Variants in MCF2 observed in about 807,000 individuals in gnomAD.
MCF2 encodes the protein proto-oncogene DBL.
Under a neutral mutation model 82.5 loss-of-function variants are expected in MCF2, and 44 were observed. The ratio of observed to expected loss-of-function variants is 0.53; its 90% CI spans 0.42 to 0.69. The LOEUF (loss-of-function observed/expected upper bound fraction) is 0.69, where lower values mean the gene tolerates loss of function less well. Among genes scored for constraint, MCF2 ranks in the 30% least tolerant of loss-of-function variants. The pLI, the probability that MCF2 is intolerant of heterozygous loss-of-function variation, is 0.00. For missense variants in MCF2, 623 were observed against 663.1 expected, an observed-to-expected ratio of 0.94 and a Z score of 0.66; for synonymous variants, 217 against 224.9, an observed-to-expected ratio of 0.96 and a Z score of 0.32.
chrX:139,616,148 C>T (rs1176118874), intron 9 of MCF2, 134 bp downstream of exon 12: 6 of 319,807 alleles, frequency 1.9e-5, no homozygotes, highest in Non-Finnish European at 3.3e-5. Flanking sequence ...AGTGGCACTA[C>T]TATCACCCCT....
intron 1 of MCF2, among the ~76,000 whole-genome samples, chrX:139,685,163 A>G (rs1411837291): frequency 9.0e-6 from 1 of 111,085 alleles, no homozygotes; most frequent in East Asian, 2.8e-4. Context: ...AAACAATAAA[A>G]CAAGACAAAG....
rs755833952 is a variant in MCF2 at position 139,665,990 on chromosome X, T to C, written c.-44-14202A>G. On this transcript the variant is annotated intron_variant, in intron 1 of 27. Coordinates refer to the MCF2 transcript ENST00000414978. ...ATATACATATATATACACACACACATACACACACACACAAGGCACATGAGA... is the reference window on the plus strand; with the variant it reads ...ATATACATATATATACACACACACACACACACACACACAAGGCACATGAGA... 2.3e-3 allele frequency among the ~76,000 whole-genome samples: 220 copies of C among 94,632 alleles called. 1 individual carries two copies. The highest frequency in any genetic ancestry group is 3.8e-3 in the Non-Finnish European group (183 of 47,642). 82.2% of individuals were successfully genotyped at this position (94,632 alleles called of 115,157 possible). A position where few individuals can be genotyped will look rare whatever the true frequency, so the allele number is the denominator to read the frequency against.
intron 1 of MCF2, among the ~76,000 whole-genome samples, chrX:139,654,792 C>A (rs534369562): frequency 7.2e-5 from 8 of 111,700 alleles, no homozygotes; most frequent in African/African-American, 2.3e-4. Flanking sequence ...AATTTAAGTT[C>A]TTTAATCCAT....
At chrX:139,591,983 C>T (rs1031128615) in intron 19 of MCF2, among the ~76,000 whole-genome samples, 1 of 110,843 alleles carries the variant, frequency 9.0e-6, no homozygotes, top group East Asian at 2.8e-4. Flanking sequence ...AACTAATAAC[C>T]CAGATTCTTA....
intron 1 of MCF2, among the ~76,000 whole-genome samples, chrX:139,666,757 C>G: frequency 8.9e-6 from 1 of 111,840 alleles, no homozygotes; most frequent in South Asian, 3.8e-4. Flanking sequence ...AAATCTCTTG[C>G]TAGGGTTGGA....
chrX:139,644,782 GA>G (rs1258978240), upstream of MCF2, among the ~76,000 whole-genome samples: 2 of 111,258 alleles, frequency 1.8e-5, no homozygotes, highest in African/African-American at 3.3e-5. Context: ...GAATCTCAAA[GA>G]AAAAAAATAT....
chrX:139,605,909 C>A, intron 12 of MCF2, 130 bp from the exon 17 acceptor site: 1 of 418,305 alleles, frequency 2.4e-6, no homozygotes, highest in Non-Finnish European at 3.9e-6. Context: ...TTCGTTTTAG[C>A]ATCAAAATAT....
intron 3 of MCF2, among the ~76,000 whole-genome samples, chrX:139,631,049 G>T (rs1454471630): frequency 9.0e-6 from 1 of 111,636 alleles, no homozygotes; most frequent in Non-Finnish European, 1.9e-5. Flanking sequence ...ATTGACCAAG[G>T]TCATATAACT....
intron 15 of MCF2, among the ~76,000 whole-genome samples, chrX:139,604,247 C>A (rs1211403166): frequency 1.8e-5 from 2 of 109,828 alleles, no homozygotes; most frequent in Admixed American, 9.8e-5. Flanking sequence ...GAAAGTCAGA[C>A]TAGATCCAAT....
chrX:139,663,931 T>C (rs1934430235), intron 1 of MCF2, among the ~76,000 whole-genome samples: 1 of 111,429 alleles, frequency 9.0e-6, no homozygotes, highest in African/African-American at 3.3e-5. Context: ...TCCTTTCTCT[T>C]TCTCCAGTTT....
intron 2 of MCF2, 138 bp from the exon 6 acceptor site, chrX:139,631,649 C>A: frequency 2.5e-6 from 1 of 396,508 alleles, no homozygotes. Flanking sequence ...CCTGTACATG[C>A]CCCCATACAT....
At chrX:139,604,371 A>T (rs1930812636) in intron 15 of MCF2, among the ~76,000 whole-genome samples, 1 of 110,112 alleles carries the variant, frequency 9.1e-6, no homozygotes, top group Non-Finnish European at 1.9e-5. Flanking sequence ...CATGATCCCA[A>T]CTCTTACATC....
intron 16 of MCF2, among the ~76,000 whole-genome samples, chrX:139,600,765 C>G (rs943059217): frequency 3.6e-5 from 4 of 111,556 alleles, no homozygotes; most frequent in African/African-American, 1.3e-4. Flanking sequence ...TTCCAATGAG[C>G]TTTTTAGTGT....
intron 3 of MCF2, among the ~76,000 whole-genome samples, chrX:139,630,529 T>C (rs1235634709): frequency 8.9e-6 from 1 of 112,437 alleles, no homozygotes; most frequent in Non-Finnish European, 1.9e-5. Context: ...TATTTGCTTG[T>C]TTATTTATAG....
intron 1 of MCF2, among the ~76,000 whole-genome samples, chrX:139,673,080 T>C (rs868639561): frequency 8.9e-6 from 1 of 112,144 alleles, no homozygotes; most frequent in Non-Finnish European, 1.9e-5. Context: ...CCATTTCTTC[T>C]AGATTTTCTA....
rs1933615111 is a variant in MCF2, at chrX:139,642,332, T to G, written c.51+136A>C. ...ACAGTAATCACATCAATGCAATCCA[T>G]GCAAATATAAGTCTCCATTCTCTCC... On this transcript the variant is annotated intron_variant, in intron 1 of 24. Transcript: ENST00000370576. The G allele has an allele frequency of 3.5e-6, 3 of 866,654 alleles. No individual in the cohort carries two copies. The South Asian group carries it at 6.0e-5, about 17-fold the overall frequency. 71.4% of individuals were successfully genotyped at this position (866,654 alleles called of 1,213,427 possible). A position where few individuals can be genotyped will look rare whatever the true frequency, so the allele number is the denominator to read the frequency against.
chrX:139,629,658 A>T, intron 4 of MCF2, 37 bp downstream of exon 7: 1 of 1,181,522 alleles, frequency 8.5e-7, no homozygotes, highest in Non-Finnish European at 1.1e-6. Flanking sequence ...GATAAAGACC[A>T]TGGAAATCTT....
At chrX:139,588,753 C>CTAA (rs1491154381) in intron 20 of MCF2, among the ~76,000 whole-genome samples, 1 of 106,984 alleles carries the variant, frequency 9.3e-6, no homozygotes, top group Non-Finnish European at 1.9e-5. Flanking sequence ...TCTACTACTA[C>CTAA]TACTACTACT....
At chrX:139,700,620 G>A (rs754568801) in intron 1 of MCF2, among the ~76,000 whole-genome samples, 1 of 111,774 alleles carries the variant, frequency 8.9e-6, no homozygotes, top group Admixed American at 9.5e-5. Context: ...CTCAGTCACT[G>A]GCTCTGTGGC....
Sources: gnomAD v4.1 joint callset for allele counts (sites outside exome capture counted in the v4.1 genomes callset) on GRCh38, gnomAD v4.1.1 for gene constraint, MANE v1.5 for transcripts, NCBI Gene and HGNC (gene_info 2026-07-23, HGNC 2026-07-21) for gene names.